Variants in PEX5L observed in about 807,000 individuals in gnomAD.
The protein encoded by PEX5L is PEX5-related protein.
In PEX5L, 30 loss-of-function variants were observed where a neutral mutation model predicts 84.0. The ratio of observed to expected loss-of-function variants is 0.36; its 90% confidence interval spans 0.27 to 0.48. The LOEUF (loss-of-function observed/expected upper bound fraction) is 0.48. PEX5L is among the 20% of genes least tolerant of loss of function. The pLI, the probability that PEX5L is intolerant of heterozygous loss-of-function variation, is 0.99. For synonymous variants in PEX5L, 270 were observed against 283.1 expected (o/e 0.95, Z 0.46); for missense variants, 533 against 754.6 (o/e 0.71, Z 3.44).
chr3:179,868,468 A>T (rs1749151709), intron 7 of PEX5L, among the ~76,000 whole-genome samples: 1 of 152,118 alleles, frequency 6.6e-6, no homozygotes, highest in Non-Finnish European at 1.5e-5. Flanking sequence ...TTAAGGTTTA[A>T]ATTGCTCTGG....
At chr3:179,965,073 G>A (rs1032643297) in intron 2 of PEX5L, among the ~76,000 whole-genome samples, 1 of 152,220 alleles carries the variant, frequency 6.6e-6, no homozygotes, top group Non-Finnish European at 1.5e-5. Context: ...CACATTCTGT[G>A]TTATATTCAC....
At chr3:180,036,513 T>C (rs766145030) in intron 1 of PEX5L, 66 bp downstream of exon 1, 8 of 1,487,778 alleles carry the variant, frequency 5.4e-6, no homozygotes, top group Non-Finnish European at 7.5e-6. Context: ...CACAGAAACT[T>C]GGTGAACCGC....
chr3:180,023,233 T>A (rs1213818363), intron 1 of PEX5L, among the ~76,000 whole-genome samples: 1 of 152,208 alleles, frequency 6.6e-6, no homozygotes, highest in Admixed American at 6.5e-5. Flanking sequence ...AGATAAAATA[T>A]CTATCTTTTG....
intron 8 of PEX5L, among the ~76,000 whole-genome samples, chr3:179,837,645 T>C (rs1735452458): frequency 6.6e-6 from 1 of 152,230 alleles, no homozygotes; most frequent in Non-Finnish European, 1.5e-5. Context: ...AGAGTTAGAC[T>C]TTTAGACTAA....
chr3:179,973,736 T>C, intron 1 of PEX5L: 1 of 985,350 alleles, frequency 1.0e-6, no homozygotes, highest in Non-Finnish European at 1.2e-6. Context: ...CAACTCCTTA[T>C]CTAATTTAGT....
chr3:179,970,266 A>T (rs1177222611), intron 2 of PEX5L, among the ~76,000 whole-genome samples: 1 of 152,138 alleles, frequency 6.6e-6, no homozygotes, highest in African/African-American at 2.4e-5. Context: ...TTACTAGTTC[A>T]TTTGCCAGGT....
intron 2 of PEX5L, among the ~76,000 whole-genome samples, chr3:179,969,870 T>G (rs1357305047): frequency 6.6e-6 from 1 of 152,198 alleles, no homozygotes; most frequent in African/African-American, 2.4e-5. Flanking sequence ...TGCTATTTTC[T>G]GAAGAAGCAG....
At chr3:179,915,845 G>A (rs942598668) in intron 2 of PEX5L, among the ~76,000 whole-genome samples, 1 of 152,196 alleles carries the variant, frequency 6.6e-6, no homozygotes, top group African/African-American at 2.4e-5. Context: ...TGAAGAGTGT[G>A]ATGGTCCAAA....
At chr3:179,818,985 A>G (rs917811453) in intron 9 of PEX5L, among the ~76,000 whole-genome samples, 2 of 150,998 alleles carry the variant, frequency 1.3e-5, no homozygotes, top group South Asian at 2.1e-4. Flanking sequence ...TGGGGACTAC[A>G]GGCGTAGTCC....
At chr3:179,910,102 T>C (rs1764662559) in intron 2 of PEX5L, among the ~76,000 whole-genome samples, 1 of 152,208 alleles carries the variant, frequency 6.6e-6, no homozygotes, top group African/African-American at 2.4e-5. Flanking sequence ...CTTTAAGCCT[T>C]CTTAGCTAAT....
At chr3:179,916,144 T>C (rs1396671987) in intron 2 of PEX5L, among the ~76,000 whole-genome samples, 2 of 152,190 alleles carry the variant, frequency 1.3e-5, no homozygotes, top group South Asian at 4.1e-4. Context: ...TATATTTTGA[T>C]AGTACAGTCA....
chr3:180,031,152 CATT>C (rs1791428272), intron 1 of PEX5L, among the ~76,000 whole-genome samples: 1 of 152,040 alleles, frequency 6.6e-6, no homozygotes, highest in South Asian at 2.1e-4. Context: ...GTCAGCATGA[CATT>C]ATAACATTGG....
chr3:179,797,605 A>AAAAATATATATATATATAT lies in PEX5L; in HGVS notation c.*4222_*4223insATATATATATATATATTTT, dbSNP rs1553807980. On this transcript the variant is annotated 3_prime_UTR_variant, in exon 15 of 15. Coordinates refer to ENST00000467460, the MANE Select transcript of PEX5L (RefSeq NM_016559.3). ...AACACTCTTTAAAAAAAAAAAAAAA[A>AAAAATATATATATATATAT]ATATATATATATATATATATATATA... 1.1e-5 allele frequency: 1 copy of AAAAATATATATATATATAT among 89,174 alleles called. No individual in the cohort carries two copies. The highest frequency in any genetic ancestry group is 4.5e-5 in the African/African-American group (1 of 22,200). The allele number at this position is 89,174 out of a possible 1,614,324, so 5.5% of individuals were successfully genotyped here.
At chr3:179,986,898 GA>G (rs1411466901) in intron 1 of PEX5L, among the ~76,000 whole-genome samples, 1 of 152,092 alleles carries the variant, frequency 6.6e-6, no homozygotes, top group African/African-American at 2.4e-5. Flanking sequence ...TAAATAAAAA[GA>G]AAAATATCAA....
chr3:179,933,682 CAAGT>C (rs1348849682), intron 2 of PEX5L, among the ~76,000 whole-genome samples: 2 of 152,142 alleles, frequency 1.3e-5, no homozygotes, highest in Non-Finnish European at 2.9e-5. Flanking sequence ...TTTTTGGTGA[CAAGT>C]GAGTGATGGG....
At chr3:179,835,293 A>C (rs941060978) in intron 8 of PEX5L, among the ~76,000 whole-genome samples, 4 of 152,202 alleles carry the variant, frequency 2.6e-5, no homozygotes, top group Non-Finnish European at 4.4e-5. Context: ...CCTCACATCC[A>C]AATGTTTGGA....
intron 2 of PEX5L, among the ~76,000 whole-genome samples, chr3:179,910,933 G>A (rs1764951157): frequency 6.6e-6 from 1 of 152,092 alleles, no homozygotes; most frequent in South Asian, 2.1e-4. Context: ...CACGTATGAA[G>A]TTTGCTCTTG....
intron 9 of PEX5L, among the ~76,000 whole-genome samples, chr3:179,819,140 G>T (rs1727463772): frequency 6.6e-6 from 1 of 151,698 alleles, no homozygotes; most frequent in African/African-American, 2.4e-5. Context: ...CTATATCTTG[G>T]CTATTGTGAT....
chr3:179,831,927 C>A (rs999734359), intron 8 of PEX5L, among the ~76,000 whole-genome samples: 1 of 152,164 alleles, frequency 6.6e-6, no homozygotes, highest in African/African-American at 2.4e-5. Flanking sequence ...AGACCTTATA[C>A]AGTTAGACGA....
Sources: allele counts gnomAD v4.1 joint callset (sites outside exome capture counted in the v4.1 genomes callset), GRCh38; gene constraint gnomAD v4.1.1; transcripts MANE v1.5; gene names NCBI Gene and HGNC (gene_info 2026-07-23, HGNC 2026-07-21).